The following AUTS2 variants were observed in gnomAD, a reference collection of about 807,000 sequenced individuals.
AUTS2 encodes the protein activator of transcription and developmental regulator AUTS2.
In AUTS2, 17 loss-of-function variants were observed where a neutral mutation model predicts 112.4. The observed-to-expected ratio is 0.15, with a 90% confidence interval of 0.10 to 0.23. The LOEUF (loss-of-function observed/expected upper bound fraction) is 0.23, where lower values mean the gene tolerates loss of function less well. Ranked by LOEUF, AUTS2 falls within the 10% of genes least tolerant of loss-of-function variation. AUTS2 has a pLI of 1.00. For missense variants in AUTS2, 1,510 were observed against 1,701.6 expected, an observed-to-expected ratio of 0.89 and a Z score of 1.98; for synonymous variants, 751 against 702.7, an observed-to-expected ratio of 1.07 and a Z score of -1.09.
intron 5 of AUTS2, among the ~76,000 whole-genome samples, chr7:70,655,089 C>T (rs1010097384): frequency 5.9e-5 from 9 of 152,216 alleles, no homozygotes; most frequent in Non-Finnish European, 1.2e-4. Context: ...CAGCCTGTGG[C>T]GGGAAGCCAT....
intron 4 of AUTS2, among the ~76,000 whole-genome samples, chr7:70,198,354 A>G (rs954991325): frequency 9.9e-5 from 15 of 151,948 alleles, no homozygotes; most frequent in East Asian, 3.9e-4. Context: ...TGATTTTGAC[A>G]AGCTGAGAGA....
At chr7:70,148,797 TAA>T (rs1022898909) in intron 4 of AUTS2, among the ~76,000 whole-genome samples, 52 of 152,106 alleles carry the variant, frequency 3.4e-4, no homozygotes, top group Non-Finnish European at 6.6e-4. Context: ...TTACAACTTT[TAA>T]AAGTGAAAAA....
At chr7:70,595,726 G>C (rs1803164343) in intron 5 of AUTS2, among the ~76,000 whole-genome samples, 1 of 152,174 alleles carries the variant, frequency 6.6e-6, no homozygotes, top group Non-Finnish European at 1.5e-5. Flanking sequence ...AGCATCTTCC[G>C]GCTGTAAATG....
intron 5 of AUTS2, among the ~76,000 whole-genome samples, chr7:70,639,183 C>T (rs1038115121): frequency 5.9e-5 from 9 of 152,106 alleles, no homozygotes; most frequent in African/African-American, 1.7e-4. Flanking sequence ...ACCACCACAC[C>T]AAAAGTCTGG....
At chr7:69,943,528 T>C (rs559398330) in intron 2 of AUTS2, among the ~76,000 whole-genome samples, 1 of 152,316 alleles carries the variant, frequency 6.6e-6, no homozygotes, top group African/African-American at 2.4e-5. Context: ...TTAAATACCT[T>C]AGTCATATTG....
intron 5 of AUTS2, among the ~76,000 whole-genome samples, chr7:70,443,562 GTC>G (rs1796202996): frequency 6.6e-6 from 1 of 152,134 alleles, no homozygotes; most frequent in South Asian, 2.1e-4. Context: ...CCATTCTTTC[GTC>G]TCTCTCAGTC....
In AUTS2 at chr7:70,781,775, G is replaced by C. The variant is rs181170806; in HGVS notation, c.2146+19G>C. The C allele has an allele frequency of 1.6e-3, 2,646 of 1,611,988 alleles. 21 individuals are homozygous for C. The highest frequency in any genetic ancestry group is 0.014 in the South Asian group (1,260 of 90,690). ...GCCGCTGGTGAGTGTGGGTTTGGGT[G>C]GGGGGACAGAGCTGAGAAATGTAGT... is the stretch of plus-strand genomic sequence containing the variant. On this transcript the variant is annotated intron_variant, in intron 15 of 18. Coordinates refer to ENST00000342771, the MANE Select transcript of AUTS2 (RefSeq NM_015570.4).
intron 2 of AUTS2, among the ~76,000 whole-genome samples, chr7:70,070,255 A>G (rs1297646518): frequency 6.6e-6 from 1 of 152,070 alleles, no homozygotes; most frequent in Non-Finnish European, 1.5e-5. Flanking sequence ...TTCTGAGGAT[A>G]TATGTGTTTA....
chr7:69,681,561 C>T (rs192516641), intron 1 of AUTS2, among the ~76,000 whole-genome samples: 6 of 152,242 alleles, frequency 3.9e-5, no homozygotes, highest in East Asian at 1.9e-4. Flanking sequence ...CACTGACTTA[C>T]GCATAGAATG....
intron 5 of AUTS2, among the ~76,000 whole-genome samples, chr7:70,464,127 G>T (rs558564930): frequency 6.6e-6 from 1 of 152,156 alleles, no homozygotes; most frequent in African/African-American, 2.4e-5. Flanking sequence ...GGTAAGCTCC[G>T]CAGAGCTTCG....
chr7:70,163,360 A>AGG (rs1562753323), intron 4 of AUTS2, among the ~76,000 whole-genome samples: 1 of 2,466 alleles, frequency 4.1e-4, no homozygotes, highest in Non-Finnish European at 1.1e-3. Context: ...GGGGGGGGGC[A>AGG]GAGGGGGAGG....
chr7:69,958,744 C>T (rs1222381219), intron 2 of AUTS2, among the ~76,000 whole-genome samples: 3 of 152,254 alleles, frequency 2.0e-5, no homozygotes, highest in African/African-American at 7.2e-5. Context: ...TGCTAGGCTC[C>T]ACCTCCAAGG....
intron 4 of AUTS2, among the ~76,000 whole-genome samples, chr7:70,270,719 C>T (rs1787652506): frequency 7.2e-5 from 11 of 152,172 alleles, no homozygotes; most frequent in Admixed American, 7.2e-4. Context: ...ACTACCCCCT[C>T]CTGCTTCTCA....
At chr7:69,746,739 G>A (rs1226846112) in intron 1 of AUTS2, among the ~76,000 whole-genome samples, 6 of 152,146 alleles carry the variant, frequency 3.9e-5, no homozygotes, top group African/African-American at 1.2e-4. Context: ...ATAGGACCTT[G>A]TAGGTACTAT....
At chr7:70,767,496 G>A (rs917839491) in intron 9 of AUTS2, among the ~76,000 whole-genome samples, 9 of 152,156 alleles carry the variant, frequency 5.9e-5, no homozygotes, top group East Asian at 3.8e-4. Flanking sequence ...GGTAGTTATA[G>A]CATCAATATG....
intron 5 of AUTS2, among the ~76,000 whole-genome samples, chr7:70,468,358 T>C (rs1797248497): frequency 6.6e-6 from 1 of 152,216 alleles, no homozygotes; most frequent in African/African-American, 2.4e-5. Context: ...GTTCACCTCC[T>C]GCTCTACCTT....
chr7:70,519,690 T>C (rs1212688978), intron 5 of AUTS2, among the ~76,000 whole-genome samples: 1 of 152,198 alleles, frequency 6.6e-6, no homozygotes, highest in Non-Finnish European at 1.5e-5. Context: ...AGATTCTGCA[T>C]TGGATCTGTA....
At chr7:70,149,613 C>T (rs1044541136) in intron 4 of AUTS2, among the ~76,000 whole-genome samples, 7 of 151,964 alleles carry the variant, frequency 4.6e-5, no homozygotes, top group Non-Finnish European at 8.8e-5. Flanking sequence ...ACAATGAACA[C>T]ATTCATTAAC....
chr7:70,225,294 A>C (rs1442123395), intron 4 of AUTS2, among the ~76,000 whole-genome samples: 1 of 152,198 alleles, frequency 6.6e-6, no homozygotes, highest in African/African-American at 2.4e-5. Flanking sequence ...TCTGCAGAAC[A>C]GTTTTTAAAA....
Sources: gnomAD v4.1 joint callset for allele counts (sites outside exome capture counted in the v4.1 genomes callset) on GRCh38, gnomAD v4.1.1 for gene constraint, MANE v1.5 for transcripts, NCBI Gene and HGNC (gene_info 2026-07-23, HGNC 2026-07-21) for gene names.